The following ADIPOR2 variants were observed in gnomAD, a reference collection of about 807,000 sequenced individuals.
ADIPOR2 encodes the protein adiponectin receptor protein 2.
In ADIPOR2, 18 loss-of-function variants were observed where a neutral mutation model predicts 40.9. The ratio of observed to expected loss-of-function variants is 0.44; its 90% CI spans 0.30 to 0.65. The LOEUF (loss-of-function observed/expected upper bound fraction) is 0.65. ADIPOR2 is among the 30% of genes least tolerant of loss of function. The pLI is 0.09. For missense variants in ADIPOR2, 283 were observed against 479.2 expected, an observed-to-expected ratio of 0.59 and a Z score of 3.82; for synonymous variants, 165 against 166.4, an observed-to-expected ratio of 0.99 and a Z score of 0.06.
rs141849936 is a variant in ADIPOR2 at position 1,731,489 on chromosome 12, G to A, written c.-86-22769G>A. 2.4e-3 allele frequency among the ~76,000 whole-genome samples: 371 copies of A among 152,138 alleles called. 1 individual carries two copies. Among genetic ancestry groups the A allele is most frequent in the African/African-American group, 8.1e-3 (338 of 41,516 alleles). ...TTATGATCCCAATCAGAAACTATGC[G>A]CATTATACAATAACTCCTCATTGTT... On this transcript the variant is annotated intron_variant, in intron 1 of 7. Transcript: ENST00000357103.
chr12:1,736,936 G>A (rs1169361880), intron 1 of ADIPOR2, among the ~76,000 whole-genome samples: 1 of 152,134 alleles, frequency 6.6e-6, no homozygotes, highest in African/African-American at 2.4e-5. Flanking sequence ...CAGAAAATTT[G>A]GTCAGAATTA....
intron 1 of ADIPOR2, among the ~76,000 whole-genome samples, chr12:1,716,005 C>T (rs368971880): frequency 6.4e-4 from 97 of 152,234 alleles, no homozygotes; most frequent in Admixed American, 4.6e-4. Context: ...TTTGTTCTTT[C>T]GCTCTTCACA....
intron 1 of ADIPOR2, among the ~76,000 whole-genome samples, chr12:1,744,538 T>C (rs1193570003): frequency 6.6e-6 from 1 of 151,872 alleles, no homozygotes; most frequent in Non-Finnish European, 1.5e-5. Flanking sequence ...GGTTTCACCA[T>C]GTTGACCAGG....
intron 1 of ADIPOR2, among the ~76,000 whole-genome samples, chr12:1,725,367 G>A (rs185689065): frequency 1.1e-3 from 160 of 152,096 alleles, no homozygotes; most frequent in African/African-American, 3.4e-3. Flanking sequence ...TGATCCACCC[G>A]TCTTGGCCTC....
intron 1 of ADIPOR2, among the ~76,000 whole-genome samples, chr12:1,699,857 T>C (rs938849224): frequency 2.0e-5 from 3 of 152,230 alleles, no homozygotes; most frequent in Non-Finnish European, 4.4e-5. Flanking sequence ...ACATTACTTA[T>C]GGTTTTGAGT....
At chr12:1,733,126 A>G (rs189600336) in intron 1 of ADIPOR2, among the ~76,000 whole-genome samples, 23 of 152,316 alleles carry the variant, frequency 1.5e-4, no homozygotes, top group Admixed American at 3.3e-4. Context: ...TACTTAGAAA[A>G]AAACAAAGAA....
chr12:1,757,541 C>T, intron 2 of ADIPOR2: 3 of 846,508 alleles, frequency 3.5e-6, no homozygotes, highest in Non-Finnish European at 2.1e-6. Flanking sequence ...CCAAATCTGT[C>T]TGAATGGTAT....
chr12:1,729,446 T>G (rs940485518), intron 1 of ADIPOR2, among the ~76,000 whole-genome samples: 4 of 151,538 alleles, frequency 2.6e-5, no homozygotes, highest in African/African-American at 9.7e-5. Context: ...CATAAAGCTT[T>G]TAAAAAATAA....
intron 1 of ADIPOR2, among the ~76,000 whole-genome samples, chr12:1,751,596 C>T (rs1057312208): frequency 1.3e-5 from 2 of 152,172 alleles, no homozygotes; most frequent in Non-Finnish European, 2.9e-5. Context: ...CAACCTCGAA[C>T]TCCTGGGCTT....
intron 1 of ADIPOR2, among the ~76,000 whole-genome samples, chr12:1,720,205 T>C (rs1015218441): frequency 6.6e-6 from 1 of 152,138 alleles, no homozygotes; most frequent in Non-Finnish European, 1.5e-5. Context: ...TGACTTATTT[T>C]TGATGTGTGA....
chr12:1,705,865 G>A (rs776483082), intron 1 of ADIPOR2, among the ~76,000 whole-genome samples: 7 of 152,174 alleles, frequency 4.6e-5, no homozygotes, highest in Non-Finnish European at 4.4e-5. Flanking sequence ...GGACTTTGAA[G>A]TCAGATAGAT....
intron 2 of ADIPOR2, chr12:1,757,708 T>C (rs1009653225): frequency 3.0e-6 from 4 of 1,315,428 alleles, no homozygotes; most frequent in South Asian, 1.2e-5. Flanking sequence ...CTTGGTGTCA[T>C]AGATGAGACG....
chr12:1,729,137 C>T (rs2094714358), intron 1 of ADIPOR2, among the ~76,000 whole-genome samples: 1 of 152,020 alleles, frequency 6.6e-6, no homozygotes. Flanking sequence ...AAAGATACTG[C>T]ACATCAAGAC....
rs534708059 is a variant in ADIPOR2, at chr12:1,768,269, G to A, written c.172-4573G>A. ...ACTAACATTTAAATACCTCATTTATGTTTTGCTACTTTCCTAAATGCCCCC... is the reference window on the plus strand; with the variant it reads ...ACTAACATTTAAATACCTCATTTATATTTTGCTACTTTCCTAAATGCCCCC... On this transcript the variant is annotated intron_variant, in intron 2 of 7. Coordinates refer to ENST00000357103, the MANE Select transcript of ADIPOR2 (RefSeq NM_024551.3). Among the ~76,000 whole-genome samples, 22 of 152,248 alleles carry A rather than the reference G, an allele frequency of 1.4e-4. No homozygotes were observed. In the South Asian group the frequency reaches 4.6e-3, roughly 32 times the overall value.
intron 6 of ADIPOR2, 41 bp from the exon 7 acceptor site, chr12:1,783,839 T>G: frequency 1.3e-6 from 2 of 1,483,658 alleles, no homozygotes; most frequent in Non-Finnish European, 1.8e-6. Flanking sequence ...GGCTCTTTGT[T>G]TCTCTTCTGC....
Position 1,754,514 on chromosome 12 carries a change from A to T in ADIPOR2, c.171A>T (p.Lys57Asn). ...CTGTTCTATCTTCCCATCATAAAAA[A>T]GTAAGTCAAATTGGAAGAATGATAA... Reference protein sequence around the residue: ...EASVLSSHHKKSSEEHEYSDE... With the variant: ...EASVLSSHHKNSSEEHEYSDE... Residue 57 changes from lysine (K) to asparagine (N), a missense_variant and splice_region_variant, in exon 2 of 8, where the codon AAA becomes AAT. Around this residue, in one of 3 missense-constraint regions of ADIPOR2, gnomAD observed 65 missense variants for 79.9 expected, o/e 0.81. Coordinates refer to ENST00000357103, the MANE Select transcript of ADIPOR2 (RefSeq NM_024551.3). The T allele has an allele frequency of 6.3e-7, 1 of 1,598,116 alleles. No individual in the cohort carries two copies. Among genetic ancestry groups the T allele is most frequent in the Non-Finnish European group, 8.5e-7 (1 of 1,173,652 alleles).
At chr12:1,746,770 C>T (rs538805475) in intron 1 of ADIPOR2, among the ~76,000 whole-genome samples, 62 of 152,298 alleles carry the variant, frequency 4.1e-4, no homozygotes, top group African/African-American at 1.5e-3. Context: ...TGGCTCACGC[C>T]TATAATCCTA....
At chr12:1,701,463 G>T (rs1260663852) in intron 1 of ADIPOR2, among the ~76,000 whole-genome samples, 1 of 152,032 alleles carries the variant, frequency 6.6e-6, no homozygotes, top group Non-Finnish European at 1.5e-5. Flanking sequence ...TACTACATGG[G>T]TATATATTCA....
chr12:1,782,993 T>C (rs866821542), intron 6 of ADIPOR2, among the ~76,000 whole-genome samples: 19,664 of 105,298 alleles, frequency 0.19, 1,753 homozygotes, highest in African/African-American at 0.25. Flanking sequence ...TTTTTTTTTT[T>C]TTTTTTTTTG....
Sources: allele counts gnomAD v4.1 joint callset (sites outside exome capture counted in the v4.1 genomes callset), GRCh38; gene constraint gnomAD v4.1.1; regional missense constraint gnomAD v4.1.1; transcripts MANE v1.5; gene names NCBI Gene and HGNC (gene_info 2026-07-23, HGNC 2026-07-21).